Variants in PPARGC1A observed in about 807,000 individuals in gnomAD.
The protein encoded by PPARGC1A is peroxisome proliferator-activated receptor gamma coactivator 1-alpha.
Under a neutral mutation model 88.7 loss-of-function variants are expected in PPARGC1A, and 25 were observed. That is an observed-to-expected ratio of 0.28 (90% CI 0.21 to 0.39). PPARGC1A has a LOEUF of 0.39. Ranked by LOEUF, PPARGC1A falls within the 10% of genes least tolerant of loss-of-function variation. The probability of loss-of-function intolerance (pLI) is 1.00; values close to 1 mark genes in which losing one functional copy is unlikely to be tolerated. For synonymous variants in PPARGC1A, 363 were observed against 355.6 expected, an observed-to-expected ratio of 1.02 and a Z score of -0.24; for missense variants, 880 against 968.7, an observed-to-expected ratio of 0.91 and a Z score of 1.22.
chr4:24,172,159 G>T, the PPARGC1A span, among the ~76,000 whole-genome samples: 1 of 152,164 alleles, frequency 6.6e-6, no homozygotes, highest in African/African-American at 2.4e-5. Flanking sequence ...AGGCTCCCAA[G>T]ATATAGCACA....
chr4:24,429,448 G>A, the PPARGC1A span, among the ~76,000 whole-genome samples: 6 of 152,144 alleles, frequency 3.9e-5, no homozygotes, highest in Non-Finnish European at 5.9e-5. Context: ...TTACAAAAAG[G>A]CCAGTGTTCA....
intron 1 of PPARGC1A, among the ~76,000 whole-genome samples, chr4:23,885,642 C>T (rs1716743303): frequency 1.9e-5 from 2 of 107,734 alleles, no homozygotes; most frequent in South Asian, 5.6e-4. Flanking sequence ...ATGTAACTTG[C>T]AAGATGTGTG....
chr4:23,900,739 T>C (rs1052936894), upstream of PPARGC1A, among the ~76,000 whole-genome samples: 2 of 152,200 alleles, frequency 1.3e-5, no homozygotes, highest in Non-Finnish European at 2.9e-5. Context: ...TCACAAGTTG[T>C]AGGAATGCCA....
chr4:24,279,669 C>A, the PPARGC1A span, among the ~76,000 whole-genome samples: 1 of 152,114 alleles, frequency 6.6e-6, no homozygotes, highest in Non-Finnish European at 1.5e-5. Flanking sequence ...GACAAAGCTC[C>A]ACTGACACAC....
chr4:24,467,280 G>A, the PPARGC1A span, among the ~76,000 whole-genome samples: 9 of 152,164 alleles, frequency 5.9e-5, no homozygotes, highest in Non-Finnish European at 1.3e-4. Context: ...GAAAAGTGGG[G>A]TTCTGTGAGC....
the PPARGC1A span, among the ~76,000 whole-genome samples, chr4:24,238,741 GTA>G: frequency 0.077 from 8,890 of 116,060 alleles, 417 homozygotes; most frequent in Admixed American, 0.14. Flanking sequence ...ATCCAAGGTT[GTA>G]TATGTGTGTG....
upstream of PPARGC1A, among the ~76,000 whole-genome samples, chr4:23,902,453 G>T (rs925022372): frequency 2.0e-5 from 3 of 152,178 alleles, no homozygotes; most frequent in Non-Finnish European, 4.4e-5. Context: ...GCCCTGTATT[G>T]AATGCTGTGC....
chr4:23,865,754 G>A lies in PPARGC1A; in HGVS notation c.234+18998C>T, dbSNP rs191929564. Among the ~76,000 whole-genome samples the A allele has an allele frequency of 2.3e-4, 35 of 152,272 alleles. No individual in the cohort carries two copies. The East Asian group carries it at 6.0e-3, about 26-fold the overall frequency. ...AATTGCCTCACAGGTAGCATCTGCG[G>A]CTGAAATCTATTTCACACTAAATTG... On this transcript the variant is annotated intron_variant, in intron 2 of 12. Coordinates refer to ENST00000264867, the MANE Select transcript of PPARGC1A (RefSeq NM_013261.5).
the PPARGC1A span, among the ~76,000 whole-genome samples, chr4:23,938,884 C>A: frequency 2.0e-4 from 31 of 152,080 alleles, no homozygotes; most frequent in East Asian, 5.0e-3. Context: ...TGCTGCCCAA[C>A]AAAGGTTGGT....
chr4:24,065,181 C>A, the PPARGC1A span, among the ~76,000 whole-genome samples: 1 of 152,104 alleles, frequency 6.6e-6, no homozygotes, highest in Non-Finnish European at 1.5e-5. Flanking sequence ...GACCCAATCG[C>A]GTAGATCAGT....
At chr4:24,071,145 C>T in the PPARGC1A span, among the ~76,000 whole-genome samples, 2 of 152,152 alleles carry the variant, frequency 1.3e-5, no homozygotes, top group Non-Finnish European at 2.9e-5. Flanking sequence ...AAGGCCAGGA[C>T]ATCCTATCGA....
the PPARGC1A span, among the ~76,000 whole-genome samples, chr4:24,056,116 C>T: frequency 6.6e-6 from 1 of 152,172 alleles, no homozygotes; most frequent in Admixed American, 6.5e-5. Flanking sequence ...GTTTGCCAAG[C>T]TAAGAAGTGG....
At chr4:24,106,072 T>A in the PPARGC1A span, among the ~76,000 whole-genome samples, 1 of 152,180 alleles carries the variant, frequency 6.6e-6, no homozygotes, top group African/African-American at 2.4e-5. Flanking sequence ...TGCCTTCCAA[T>A]ATCCCAGATC....
chr4:23,957,029 C>T, the PPARGC1A span, among the ~76,000 whole-genome samples: 1 of 152,218 alleles, frequency 6.6e-6, no homozygotes, highest in South Asian at 2.1e-4. Context: ...GATTTTAACT[C>T]AGGCACTCTG....
rs1381792388 is a variant in PPARGC1A at position 23,794,403 on chromosome 4, C to T, written c.*1419G>A. 2 of 152,402 alleles carry T rather than the reference C, an allele frequency of 1.3e-5. No individual in the cohort carries two copies. Among genetic ancestry groups the T allele is most frequent in the Non-Finnish European group, 2.9e-5 (2 of 67,986 alleles). 9.4% of individuals were successfully genotyped at this position (152,402 alleles called of 1,614,324 possible). A position where few individuals can be genotyped will look rare whatever the true frequency, so the allele number is the denominator to read the frequency against. On this transcript the variant is annotated 3_prime_UTR_variant, in exon 13 of 13. Transcript: ENST00000264867. ...AAAATATCGCAGAAGTGGTTAATAC[C>T]TTTAGGGGACTAGGATATTTCTTGA...
chr4:23,933,877 G>A, the PPARGC1A span, among the ~76,000 whole-genome samples: 2 of 152,214 alleles, frequency 1.3e-5, no homozygotes, highest in African/African-American at 4.8e-5. Context: ...GTAAATATGA[G>A]GCCCACAGGC....
the PPARGC1A span, among the ~76,000 whole-genome samples, chr4:24,159,204 ACC>A: frequency 2.1e-5 from 3 of 142,450 alleles, no homozygotes; most frequent in African/African-American, 8.1e-5. Context: ...AAGGAAATTA[ACC>A]TTTTTTTTTT....
chr4:24,154,560 T>G, the PPARGC1A span, among the ~76,000 whole-genome samples: 2 of 152,190 alleles, frequency 1.3e-5, no homozygotes, highest in Non-Finnish European at 2.9e-5. Context: ...CAACCCAATT[T>G]AAGACTTCCT....
the PPARGC1A span, among the ~76,000 whole-genome samples, chr4:24,388,587 T>C: frequency 6.6e-6 from 1 of 152,178 alleles, no homozygotes; most frequent in African/African-American, 2.4e-5. Flanking sequence ...CCATCATTGA[T>C]AGACTGGATA....
Sources: gnomAD v4.1 joint callset for allele counts (sites outside exome capture counted in the v4.1 genomes callset) on GRCh38, gnomAD v4.1.1 for gene constraint, MANE v1.5 for transcripts, NCBI Gene and HGNC (gene_info 2026-07-23, HGNC 2026-07-21) for gene names.